TMEM140: variants seen among roughly 807,000 people sequenced by gnomAD.
TMEM140 encodes transmembrane protein 140.
For synonymous variants in TMEM140, 107 were observed against 106.8 expected, an observed-to-expected ratio of 1.00 and a Z score of -0.01; for missense variants, 236 against 228.5, an observed-to-expected ratio of 1.03 and a Z score of -0.21.
intron 1 of TMEM140, among the ~76,000 whole-genome samples, chr7:135,158,975 G>A (rs577702405): frequency 5.4e-4 from 83 of 152,342 alleles, no homozygotes; most frequent in East Asian, 1.2e-3. Context: ...AGGCAGCTCC[G>A]AATGTCAGGC....
Position 135,164,662 on chromosome 7 carries a change from G to A in TMEM140, c.221G>A (p.Gly74Glu). 6.2e-7 allele frequency: 1 copy of A among 1,613,422 alleles called. No homozygotes were observed. Among genetic ancestry groups the A allele is most frequent in the African/African-American group, 1.3e-5 (1 of 75,044 alleles). ...CHQFPELEAL[G>E]VPRVGLGLAR... ...CAGTTCCCTGAGCTGGAAGCCCTGG[G>A]GGTGCCTCGGGTTGGCCTGGGCCTG... The change falls in exon 2 of 2, where the codon GGG becomes GAG. Residue 74 changes from glycine (G) to glutamate (E), a missense_variant. Transcript: ENST00000275767.
Position 135,151,958 on chromosome 7 carries a change from C to T in TMEM140, c.-25+3688C>T, listed in dbSNP as rs1410045626. On this transcript the variant is annotated intron_variant, in intron 1 of 1. Transcript: ENST00000275767. This position sits in a 1 kb window ranked among gnomAD's most constrained non-coding sequence, Gnocchi z 4.3. ...GTTCATCTCTGGGAATGAACCCTGG[C>T]ACTATTTGTCTTCCTAGAATCTCAC... is the stretch of plus-strand genomic sequence containing the variant. Among the ~76,000 whole-genome samples the T allele has an allele frequency of 6.6e-6, 1 of 152,170 alleles. No individual in the cohort carries two copies. Among genetic ancestry groups the T allele is most frequent in the Non-Finnish European group, 1.5e-5 (1 of 68,032 alleles).
chr7:135,155,624 G>T (rs1471980692), intron 1 of TMEM140, among the ~76,000 whole-genome samples: 2 of 152,162 alleles, frequency 1.3e-5, no homozygotes, highest in African/African-American at 2.4e-5. Context: ...TGCCAGGCAG[G>T]GGCATTAATT....
intron 1 of TMEM140, among the ~76,000 whole-genome samples, chr7:135,153,456 CAA>C (rs55776467): frequency 8.6e-5 from 7 of 81,348 alleles, no homozygotes; most frequent in African/African-American, 2.4e-4. Flanking sequence ...TCCATCTCCA[CAA>C]AAAAAAAAAA....
At chr7:135,152,059 A>C (rs1450975456) in intron 1 of TMEM140, among the ~76,000 whole-genome samples, 1 of 152,230 alleles carries the variant, frequency 6.6e-6, no homozygotes, top group Non-Finnish European at 1.5e-5. Flanking sequence ...AATTTAAATA[A>C]TACTTACCAG....
At chr7:135,160,748 C>CAAA (rs1455420935) in intron 1 of TMEM140, among the ~76,000 whole-genome samples, 2 of 137,522 alleles carry the variant, frequency 1.5e-5, no homozygotes, top group Non-Finnish European at 3.2e-5. Context: ...AAAAAAAAAA[C>CAAA]AAAAAAAAGA....
rs147792753 is a variant in TMEM140 at position 135,148,415 on chromosome 7, G to A, written c.-25+145G>A. On this transcript the variant is annotated intron_variant, in intron 1 of 1. Transcript: ENST00000275767. ...TGTTCAGTATCTGTGACCCTCCCTC[G>A]CTCATGTCTGTATAATCTACATAAT... 2.1e-4 allele frequency: 65 copies of A among 303,098 alleles called. No individual in the cohort carries two copies. In the East Asian group the frequency reaches 5.9e-3, roughly 28 times the overall value. The allele number at this position is 303,098 out of a possible 1,614,324, so 18.8% of individuals were successfully genotyped here.
At chr7:135,160,531 T>C (rs574178039) in intron 1 of TMEM140, among the ~76,000 whole-genome samples, 51 of 152,264 alleles carry the variant, frequency 3.3e-4, no homozygotes, top group South Asian at 8.3e-4. Flanking sequence ...GAGGACTGAC[T>C]TCCACCCTCT....
intron 1 of TMEM140, among the ~76,000 whole-genome samples, chr7:135,152,599 A>C (rs1213616129): frequency 6.6e-6 from 1 of 152,228 alleles, no homozygotes; most frequent in Non-Finnish European, 1.5e-5. Flanking sequence ...GTAAATTCTC[A>C]AGAGATTTTG....
intron 1 of TMEM140, among the ~76,000 whole-genome samples, chr7:135,159,273 T>G (rs1446810902): frequency 6.6e-6 from 1 of 152,252 alleles, no homozygotes; most frequent in East Asian, 1.9e-4. Context: ...TACCTGTGTT[T>G]AGATAGCCAT....
At chr7:135,158,788 G>C (rs1371471538) in intron 1 of TMEM140, among the ~76,000 whole-genome samples, 2 of 152,200 alleles carry the variant, frequency 1.3e-5, no homozygotes, top group Admixed American at 1.3e-4. Context: ...AGGGGTGCAT[G>C]GGAGCACCTG....
Position 135,164,590 on chromosome 7 carries a change from A to G in TMEM140, c.149A>G (p.Tyr50Cys), listed in dbSNP as rs557751178. The G allele has an allele frequency of 3.4e-5, 55 of 1,614,208 alleles. No homozygotes were observed. The highest frequency in any genetic ancestry group is 6.7e-5 in the East Asian group (3 of 44,882). Residue 50 changes from tyrosine to cysteine, a missense_variant, in exon 2 of 2, where the codon TAT becomes TGT. Tyr to Cys is a radical substitution (Grantham distance 194). Coordinates refer to ENST00000275767, the MANE Select transcript of TMEM140 (RefSeq NM_018295.5). ...TDLPNLRIGFYNFCLWNEDTS... is the reference protein window; with the variant it reads ...TDLPNLRIGFCNFCLWNEDTS... The stretch of plus-strand genomic sequence containing the variant: ...CTGCCCAACCTGAGAATCGGCTTCT[A>G]TAACTTCTGCCTGTGGAATGAGGAC...
intron 1 of TMEM140, among the ~76,000 whole-genome samples, chr7:135,159,076 T>G (rs1470259700): frequency 2.0e-5 from 3 of 152,238 alleles, no homozygotes; most frequent in South Asian, 2.1e-4. Context: ...CTCTTACTGT[T>G]TCCCCACATC....
At chr7:135,149,534 G>A (rs1280857618) in intron 1 of TMEM140, among the ~76,000 whole-genome samples, 1 of 152,156 alleles carries the variant, frequency 6.6e-6, no homozygotes, top group Non-Finnish European at 1.5e-5. Context: ...GCTGTCTTAG[G>A]ATAGATTTAT....
At chr7:135,158,006 G>A (rs987296884) in intron 1 of TMEM140, among the ~76,000 whole-genome samples, 4 of 151,788 alleles carry the variant, frequency 2.6e-5, no homozygotes, top group East Asian at 1.9e-4. Context: ...ACAGCAACCC[G>A]TAGCAGGCAC....
At chr7:135,158,836 G>A (rs1026936106) in intron 1 of TMEM140, among the ~76,000 whole-genome samples, 4 of 152,192 alleles carry the variant, frequency 2.6e-5, no homozygotes, top group Non-Finnish European at 4.4e-5. Flanking sequence ...TCGGCAGCAA[G>A]AGCCATGTCT....
chr7:135,164,631 T>G lies in TMEM140; in HGVS notation c.190T>G (p.Cys64Gly). Reference protein sequence around the residue: ...LWNEDTSTLQCHQFPELEALG... With the variant: ...LWNEDTSTLQGHQFPELEALG... ...GAATGAGGACACCAGCACCCTACAG[T>G]GTCACCAGTTCCCTGAGCTGGAAGC... The change falls in exon 2 of 2, where the codon TGT becomes GGT. Residue 64 changes from cysteine to glycine, a missense_variant. Coordinates refer to ENST00000275767, the MANE Select transcript of TMEM140 (RefSeq NM_018295.5). The G allele has an allele frequency of 6.2e-7, 1 of 1,613,704 alleles. No individual in the cohort carries two copies. The highest frequency in any genetic ancestry group is 1.7e-4 in the Middle Eastern group (1 of 6,058).
intron 1 of TMEM140, among the ~76,000 whole-genome samples, chr7:135,159,184 C>T (rs931730671): frequency 1.3e-5 from 2 of 152,216 alleles, no homozygotes; most frequent in African/African-American, 4.8e-5. Flanking sequence ...CTGGTTTATC[C>T]TAGCATTCTC....
chr7:135,154,685 G>A (rs1344350431), intron 1 of TMEM140, among the ~76,000 whole-genome samples: 1 of 152,066 alleles, frequency 6.6e-6, no homozygotes, highest in Non-Finnish European at 1.5e-5. Context: ...TTGATTTCTA[G>A]TTTTATTCCA....
Sources: allele counts gnomAD v4.1 joint callset (sites outside exome capture counted in the v4.1 genomes callset), GRCh38; gene constraint gnomAD v4.1.1; non-coding constraint Gnocchi (gnomAD v3.1); transcripts MANE v1.5; gene names NCBI Gene and HGNC (gene_info 2026-07-23, HGNC 2026-07-21).